FHIT: variants seen among roughly 807,000 people sequenced by gnomAD.
FHIT encodes the protein fragile histidine triad diadenosine triphosphatase.
In FHIT, 19 loss-of-function variants were observed where a neutral mutation model predicts 17.9. The ratio of observed to expected loss-of-function variants is 1.06; its 90% CI spans 0.74 to 1.56. FHIT has a LOEUF of 1.56. FHIT is among the 40% of genes most tolerant of loss of function. FHIT has a pLI of 0.00. For synonymous variants in FHIT, 81 were observed against 69.7 expected (o/e 1.16, Z -0.81); for missense variants, 248 against 189.2 (o/e 1.31, Z -1.82).
chr3:60,149,093 G>T (rs891818253), intron 5 of FHIT, among the ~76,000 whole-genome samples: 5 of 152,138 alleles, frequency 3.3e-5, no homozygotes, highest in African/African-American at 9.7e-5. Context: ...CTCGAAACCA[G>T]CTCCTTCAAA....
rs1278177549 is a variant in FHIT at position 60,359,690 on chromosome 3, T to C, written c.103+177170A>G. Among the ~76,000 whole-genome samples the C allele has an allele frequency of 3.3e-5, 5 of 152,352 alleles. No individual in the cohort carries two copies. In the East Asian group the frequency reaches 7.7e-4, roughly 24 times the overall value. ...GAGACAGGAGCAAAAGGTTCTGGTA[T>C]TTATCATCTGGGCTTTATCTTTTTC... On this transcript the variant is annotated intron_variant, in intron 5 of 9. Transcript: ENST00000492590.
In FHIT at chr3:60,498,782, A is replaced by T. The variant is rs1159808869; in HGVS notation, c.103+38078T>A. Among the ~76,000 whole-genome samples the T allele has an allele frequency of 3.9e-5, 6 of 152,172 alleles. No individual in the cohort carries two copies. In the East Asian group the frequency reaches 1.2e-3, roughly 29 times the overall value. On this transcript the variant is annotated intron_variant, in intron 5 of 9. Coordinates refer to ENST00000492590, the MANE Select transcript of FHIT (RefSeq NM_002012.4). Reference sequence around the variant, plus strand: ...TCTAGGACCTGTGAAATAAAAACCTACTTCAAAGATATTTAATCTGTATAC... The same window carrying T: ...TCTAGGACCTGTGAAATAAAAACCTTCTTCAAAGATATTTAATCTGTATAC...
intron 2 of FHIT, among the ~76,000 whole-genome samples, chr3:61,055,947 T>C (rs7609688): frequency 0.76 from 114,908 of 152,120 alleles, 44,585 homozygotes; most frequent in Middle Eastern, 0.84. Context: ...GTCTCCATCA[T>C]CTCAAGCATT....
chr3:61,212,335 A>T (rs373683579), intron 1 of FHIT, among the ~76,000 whole-genome samples: 3 of 152,230 alleles, frequency 2.0e-5, no homozygotes, highest in Non-Finnish European at 4.4e-5. Context: ...AAGCCAAGGC[A>T]CGAGAACTAC....
At chr3:59,936,772 AG>A (rs1483266532) in intron 7 of FHIT, among the ~76,000 whole-genome samples, 1 of 152,174 alleles carries the variant, frequency 6.6e-6, no homozygotes, top group Non-Finnish European at 1.5e-5. Flanking sequence ...ACAGTAACAT[AG>A]TAATTATGGA....
At chr3:59,965,135 A>G (rs1383415082) in intron 7 of FHIT, among the ~76,000 whole-genome samples, 2 of 152,184 alleles carry the variant, frequency 1.3e-5, no homozygotes, top group Non-Finnish European at 2.9e-5. Context: ...TTAGCAAAAC[A>G]ATGGTTATAT....
intron 5 of FHIT, among the ~76,000 whole-genome samples, chr3:60,433,830 C>G (rs1216371283): frequency 1.3e-5 from 2 of 152,136 alleles, no homozygotes; most frequent in East Asian, 3.9e-4. Context: ...TTAGATGCAT[C>G]AGATGTATGG....
chr3:60,614,888 G>A (rs1165149458), intron 4 of FHIT, among the ~76,000 whole-genome samples: 2 of 136,700 alleles, frequency 1.5e-5, no homozygotes, highest in African/African-American at 5.5e-5. Context: ...GGAGTGCAGT[G>A]GCATGATCTC....
chr3:61,103,750 C>A (rs576452529), intron 2 of FHIT, among the ~76,000 whole-genome samples: 1 of 152,126 alleles, frequency 6.6e-6, no homozygotes, highest in Non-Finnish European at 1.5e-5. Context: ...GTATTGGGTG[C>A]ATATATATTT....
intron 5 of FHIT, among the ~76,000 whole-genome samples, chr3:60,377,351 G>A (rs551355808): frequency 3.2e-4 from 49 of 151,240 alleles, no homozygotes; most frequent in African/African-American, 1.1e-3. Context: ...TAGAGACGGG[G>A]TTTCACCATA....
chr3:59,829,315 T>C (rs1701083901), intron 8 of FHIT, among the ~76,000 whole-genome samples: 1 of 152,222 alleles, frequency 6.6e-6, no homozygotes, highest in South Asian at 2.1e-4. Flanking sequence ...GGGTTTTAGT[T>C]AAGGGAGGTT....
chr3:59,855,603 A>G (rs1297255015), intron 8 of FHIT, among the ~76,000 whole-genome samples: 2 of 152,216 alleles, frequency 1.3e-5, no homozygotes, highest in Non-Finnish European at 2.9e-5. Context: ...GATAGCCTCA[A>G]TGTTAATAAG....
intron 5 of FHIT, among the ~76,000 whole-genome samples, chr3:60,278,058 A>G (rs1365122184): frequency 6.6e-6 from 1 of 152,186 alleles, no homozygotes; most frequent in Non-Finnish European, 1.5e-5. Flanking sequence ...ACCTAAAGCA[A>G]AAACAGAAGG....
At chr3:59,973,547 G>C (rs2107396631) in intron 7 of FHIT, among the ~76,000 whole-genome samples, 1 of 151,974 alleles carries the variant, frequency 6.6e-6, no homozygotes, top group South Asian at 2.1e-4. Context: ...TTCCAACTAG[G>C]CCAGTTTTCC....
intron 3 of FHIT, among the ~76,000 whole-genome samples, chr3:60,840,367 C>T (rs1702681266): frequency 6.6e-6 from 1 of 152,110 alleles, no homozygotes; most frequent in Admixed American, 6.5e-5. Flanking sequence ...AATAAGTGGG[C>T]TTTAAGAATA....
intron 3 of FHIT, among the ~76,000 whole-genome samples, chr3:60,941,876 A>G (rs191840689): frequency 6.6e-6 from 1 of 152,278 alleles, no homozygotes; most frequent in East Asian, 1.9e-4. Flanking sequence ...CTTAAATATC[A>G]CTTCTTCAAG....
intron 5 of FHIT, among the ~76,000 whole-genome samples, chr3:60,031,487 G>A (rs922404607): frequency 1.3e-5 from 2 of 152,168 alleles, no homozygotes; most frequent in African/African-American, 4.8e-5. Flanking sequence ...CTCAGATCTG[G>A]ATTCCAATTC....
intron 5 of FHIT, among the ~76,000 whole-genome samples, chr3:60,344,116 T>C (rs953281559): frequency 6.6e-6 from 1 of 152,222 alleles, no homozygotes; most frequent in Admixed American, 6.6e-5. Context: ...AGCATATCTC[T>C]AGAATAATTC....
intron 8 of FHIT, among the ~76,000 whole-genome samples, chr3:59,772,065 A>G (rs1049023870): frequency 3.3e-5 from 5 of 152,214 alleles, no homozygotes; most frequent in African/African-American, 1.2e-4. Flanking sequence ...CTTGACCAGG[A>G]CAGTCCCCCT....
Sources: allele counts gnomAD v4.1 joint callset (sites outside exome capture counted in the v4.1 genomes callset), GRCh38; gene constraint gnomAD v4.1.1; transcripts MANE v1.5; gene names NCBI Gene and HGNC (gene_info 2026-07-23, HGNC 2026-07-21).